DMXL2: variants seen among roughly 807,000 people sequenced by gnomAD.
The protein encoded by DMXL2 is dmX-like protein 2.
DMXL2 carries 103 observed loss-of-function variants against 331.1 expected under a neutral mutation model. The ratio of observed to expected loss-of-function variants is 0.31; its 90% CI spans 0.27 to 0.37. DMXL2 has a LOEUF of 0.37. DMXL2 is among the 10% of genes least tolerant of loss of function. DMXL2 has a pLI of 1.00. For missense variants in DMXL2, 3,171 were observed against 3,642.9 expected, an observed-to-expected ratio of 0.87 and a Z score of 3.33; for synonymous variants, 1,281 against 1,252.1, an observed-to-expected ratio of 1.02 and a Z score of -0.49.
chr15:51,531,000 CACT>C (rs1179869856), intron 13 of DMXL2, among the ~76,000 whole-genome samples: 4 of 152,078 alleles, frequency 2.6e-5, no homozygotes, highest in Admixed American at 6.6e-5. Flanking sequence ...ATAAAAACAC[CACT>C]GACATTCTTT....
intron 2 of DMXL2, among the ~76,000 whole-genome samples, chr15:51,573,816 C>G (rs558515417): frequency 1.3e-5 from 2 of 151,906 alleles, no homozygotes; most frequent in African/African-American, 4.8e-5. Flanking sequence ...ACGTTCTGCA[C>G]GTGTGCCCCA....
At chr15:51,592,562 G>A (rs1008548767) in intron 1 of DMXL2, among the ~76,000 whole-genome samples, 1 of 152,156 alleles carries the variant, frequency 6.6e-6, no homozygotes, top group Non-Finnish European at 1.5e-5. Flanking sequence ...AGGAAATACA[G>A]AGAACGCCAC....
chr15:51,465,386 C>G (rs150629365), intron 31 of DMXL2, among the ~76,000 whole-genome samples, 180 bp downstream of exon 31: 1 of 152,200 alleles, frequency 6.6e-6, no homozygotes, highest in East Asian at 1.9e-4. Context: ...CAGAGCGAGA[C>G]TCTATCTAAA....
chr15:51,496,438 C>T lies in DMXL2; in HGVS notation c.4673-1304G>A, dbSNP rs118090366. On this transcript the variant is annotated intron_variant, in intron 18 of 43. Coordinates refer to ENST00000560891, the MANE Select transcript of DMXL2 (RefSeq NM_001378457.1). ...GCAGCAATTTGAGGAAGTAAAGGAA[C>T]AAGCCATGCATGAATCTGGAAGAAG... is the stretch of plus-strand genomic sequence containing the variant. Among the ~76,000 whole-genome samples, 619 of 152,284 alleles carry T rather than the reference C, an allele frequency of 4.1e-3. 4 individuals are homozygous for T. The highest frequency in any genetic ancestry group is 0.015 in the Admixed American group (233 of 15,280).
intron 16 of DMXL2, among the ~76,000 whole-genome samples, chr15:51,506,928 C>A (rs867608361): frequency 6.6e-6 from 1 of 152,004 alleles, no homozygotes; most frequent in African/African-American, 2.4e-5. Flanking sequence ...TTCAATATGT[C>A]TAATGTGCCC....
At position 51,451,683 on chromosome 15, in the gene DMXL2, C is replaced by T. The variant is rs771567392; in HGVS notation, c.8711G>A (p.Trp2904Ter). Reference sequence around the variant, plus strand: ...GTTTCCGGGTGATATTAATGTGTCCCAGAGGCAAACATTTCTTTTAAAGAA... The same window carrying T: ...GTTTCCGGGTGATATTAATGTGTCCTAGAGGCAAACATTTCTTTTAAAGAA... ...HSNDNRNVCL[W>*]DTLISPGNSL... Residue 2904 changes from tryptophan (W) to a stop codon, truncating the protein, a stop_gained, in exon 42 of 44, where the codon TGG becomes TAG. Coordinates refer to ENST00000560891, the MANE Select transcript of DMXL2 (RefSeq NM_001378457.1). LOFTEE classifies it high-confidence loss of function. The T allele has an allele frequency of 6.2e-7, 1 of 1,612,966 alleles. No individual in the cohort carries two copies.
At chr15:51,507,677 C>T (rs2046490631) in intron 15 of DMXL2, among the ~76,000 whole-genome samples, 2 of 152,128 alleles carry the variant, frequency 1.3e-5, no homozygotes, top group South Asian at 2.1e-4. Flanking sequence ...GTGCTGAGCA[C>T]ACAAAAGCTC....
intron 20 of DMXL2, 105 bp downstream of exon 20, chr15:51,491,473 T>C (rs561760993): frequency 1.3e-5 from 15 of 1,183,334 alleles, no homozygotes; most frequent in South Asian, 5.7e-5. Context: ...GACCTCAAGA[T>C]AGACAAACAA....
At chr15:51,593,078 T>C (rs1346051297) in intron 1 of DMXL2, among the ~76,000 whole-genome samples, 1 of 152,162 alleles carries the variant, frequency 6.6e-6, no homozygotes, top group South Asian at 2.1e-4. Flanking sequence ...TAACCTTAAA[T>C]GTAAATGGGC....
intron 8 of DMXL2, among the ~76,000 whole-genome samples, chr15:51,542,955 G>T (rs1000541359): frequency 7.2e-5 from 11 of 151,810 alleles, no homozygotes; most frequent in African/African-American, 2.7e-4. Context: ...CTATTACAAA[G>T]AACAAAACAG....
intron 1 of DMXL2, among the ~76,000 whole-genome samples, chr15:51,616,341 T>C (rs1348260588): frequency 6.6e-6 from 1 of 151,732 alleles, no homozygotes; most frequent in Non-Finnish European, 1.5e-5. Context: ...GAGTAAAACT[T>C]GCAGGCAAAC....
Position 51,538,587 on chromosome 15 carries a change from T to C in DMXL2, c.1106-135A>G, listed in dbSNP as rs2048413271. On this transcript the variant is annotated intron_variant, in intron 9 of 43. Transcript: ENST00000560891. Reference sequence around the variant, plus strand: ...TAATTTTAGCAGCATTTGTAAAAACTTTAACTGAATTTAATGGTAAATGTA... The same window carrying C: ...TAATTTTAGCAGCATTTGTAAAAACCTTAACTGAATTTAATGGTAAATGTA... 5 of 605,764 alleles carry C rather than the reference T, an allele frequency of 8.3e-6. No homozygotes were observed. The East Asian group carries it at 1.5e-4, about 18-fold the overall frequency. The allele number at this position is 605,764 out of a possible 1,614,324, so 37.5% of individuals were successfully genotyped here. A position where few individuals can be genotyped will look rare whatever the true frequency, so the allele number is the denominator to read the frequency against.
chr15:51,566,045 T>C (rs1284769628), intron 3 of DMXL2, among the ~76,000 whole-genome samples: 1 of 152,038 alleles, frequency 6.6e-6, no homozygotes, highest in Admixed American at 6.6e-5. Context: ...CCCATCTCTA[T>C]AAAAACTTTA....
chr15:51,622,748 G>T lies in DMXL2; in HGVS notation c.-203C>A. The T allele has an allele frequency of 2.0e-6, 2 of 980,204 alleles. No individual in the cohort carries two copies. The highest frequency in any genetic ancestry group is 2.9e-6 in the Non-Finnish European group (2 of 695,962). 60.7% of individuals were successfully genotyped at this position (980,204 alleles called of 1,614,324 possible). A position where few individuals can be genotyped will look rare whatever the true frequency, so the allele number is the denominator to read the frequency against. ...AGCTCCTCGACCGCCGCCGCCGCCC[G>T]GGTCGCCGCTCAGCTGCGGAAATGC... On this transcript the variant is annotated 5_prime_UTR_variant, in exon 1 of 44. Coordinates refer to ENST00000560891, the MANE Select transcript of DMXL2 (RefSeq NM_001378457.1).
chr15:51,560,548 G>A (rs1475647996), intron 6 of DMXL2, among the ~76,000 whole-genome samples: 1 of 142,056 alleles, frequency 7.0e-6, no homozygotes, highest in Non-Finnish European at 1.5e-5. Context: ...AGATGTGATG[G>A]TACACACCTG....
chr15:51,471,260 G>A lies in DMXL2; in HGVS notation c.7355C>T (p.Pro2452Leu). 1 of 1,613,996 alleles carries A rather than the reference G, an allele frequency of 6.2e-7. No homozygotes were observed. Among genetic ancestry groups the A allele is most frequent in the Non-Finnish European group, 8.5e-7 (1 of 1,179,938 alleles). The change falls in exon 29 of 44, where the codon CCT becomes CTT. Residue 2452 changes from proline to leucine, a missense_variant. Pro to Leu is a moderately conservative substitution (Grantham distance 98). Transcript: ENST00000560891. ...ERPSYKEKFI[P>L]PELSMWDYFV... ...ATAATCCCACATACTAAGTTCGGGA[G>A]GAATAAATTTTTCTTTGTAAGATGG... is the stretch of plus-strand genomic sequence containing the variant.
Position 51,457,654 on chromosome 15 carries a change from A to G in DMXL2, c.8199-188T>C, listed in dbSNP as rs1344700604. On this transcript the variant is annotated intron_variant, in intron 36 of 43. Transcript: ENST00000560891. Reference sequence around the variant, plus strand: ...GTTAACTTTTTTCCCTTTTGGCAAAATGTAAATTTAGTCTAATGTTGTTTG... The same window carrying G: ...GTTAACTTTTTTCCCTTTTGGCAAAGTGTAAATTTAGTCTAATGTTGTTTG... 3 of 577,758 alleles carry G rather than the reference A, an allele frequency of 5.2e-6. No individual in the cohort carries two copies. In the African/African-American group the frequency reaches 5.7e-5, roughly 11 times the overall value. The allele number at this position is 577,758 out of a possible 1,614,324, so 35.8% of individuals were successfully genotyped here.
chr15:51,458,775 A>T lies in DMXL2; in HGVS notation c.8010T>A (p.Tyr2670Ter). 1 of 1,614,022 alleles carries T rather than the reference A, an allele frequency of 6.2e-7. No homozygotes were observed. Among genetic ancestry groups the T allele is most frequent in the Non-Finnish European group, 8.5e-7 (1 of 1,179,938 alleles). Residue 2670 changes from tyrosine to a stop codon, truncating the protein, a stop_gained, in exon 35 of 44, where the codon TAT (tyrosine) becomes TAA (stop). Coordinates refer to ENST00000560891, the MANE Select transcript of DMXL2 (RefSeq NM_001378457.1). LOFTEE classifies it high-confidence loss of function. The part of the protein sequence containing the change: ...CHIKVEADLG[Y>*]PGGKAKVIHK... ...GGATGACTTTCGCCTTTCCACCTGG[A>T]TAGCCCAGATCAGCTTCAACCTAGA...
At chr15:51,592,609 T>C (rs993932728) in intron 1 of DMXL2, among the ~76,000 whole-genome samples, 3 of 152,132 alleles carry the variant, frequency 2.0e-5, no homozygotes, top group African/African-American at 4.8e-5. Context: ...CCAAGACACA[T>C]AATTGTCTGA....
Sources: gnomAD v4.1 joint callset for allele counts (sites outside exome capture counted in the v4.1 genomes callset) on GRCh38, gnomAD v4.1.1 for gene constraint, MANE v1.5 for transcripts, NCBI Gene and HGNC (gene_info 2026-07-23, HGNC 2026-07-21) for gene names.